Variants in WWC1 observed in about 807,000 individuals in gnomAD.
WWC1 encodes protein KIBRA.
Under a neutral mutation model 138.4 loss-of-function variants are expected in WWC1, and 55 were observed. That is an observed-to-expected ratio of 0.40 (90% CI 0.32 to 0.50). The LOEUF (loss-of-function observed/expected upper bound fraction) is 0.50, where lower values mean the gene tolerates loss of function less well. WWC1 is among the 20% of genes least tolerant of loss of function. The pLI is 0.72. For synonymous variants in WWC1, 524 were observed against 564.9 expected (o/e 0.93, Z 1.03); for missense variants, 1,226 against 1,420.4 (o/e 0.86, Z 2.20).
intron 17 of WWC1, among the ~76,000 whole-genome samples, chr5:168,450,305 G>A (rs190833535): frequency 2.0e-5 from 3 of 152,170 alleles, no homozygotes; most frequent in Admixed American, 2.0e-4. Context: ...AGTCCCTTCA[G>A]CAAATGGTGT....
intron 1 of WWC1, among the ~76,000 whole-genome samples, chr5:168,336,012 C>T (rs1284415494): frequency 6.6e-6 from 1 of 152,188 alleles, no homozygotes; most frequent in Non-Finnish European, 1.5e-5. Context: ...GGACATTGGA[C>T]GTTGTCAGAG....
chr5:168,399,394 TG>T, intron 4 of WWC1, 93 bp from the exon 5 acceptor site: 1 of 1,325,386 alleles, frequency 7.5e-7, no homozygotes, highest in Non-Finnish European at 1.1e-6. Flanking sequence ...GCAGGCGCAG[TG>T]GGAGGCTCTG....
chr5:168,315,040 C>A (rs1392200111), intron 1 of WWC1, among the ~76,000 whole-genome samples: 1 of 152,186 alleles, frequency 6.6e-6, no homozygotes, highest in Non-Finnish European at 1.5e-5. Context: ...CCCCCAGATT[C>A]ATTTCCAGTT....
chr5:168,439,630 C>CA (rs59747531), intron 15 of WWC1, among the ~76,000 whole-genome samples: 16,737 of 120,858 alleles, frequency 0.14, 1,051 homozygotes, highest in African/African-American at 0.18. Context: ...AACTCTGTCT[C>CA]AAAAAAAAAA....
intron 17 of WWC1, among the ~76,000 whole-genome samples, chr5:168,447,073 C>G (rs1050653445): frequency 2.6e-5 from 4 of 152,188 alleles, no homozygotes; most frequent in African/African-American, 9.6e-5. Flanking sequence ...TAATGTGCAG[C>G]CTGGGCTGAA....
intron 1 of WWC1, among the ~76,000 whole-genome samples, chr5:168,311,076 C>G (rs1303930364): frequency 1.3e-5 from 2 of 152,230 alleles, no homozygotes; most frequent in South Asian, 2.1e-4. Flanking sequence ...TCTAGCCTAC[C>G]TGGGTTGGTG....
intron 4 of WWC1, among the ~76,000 whole-genome samples, chr5:168,399,135 G>A (rs554294456): frequency 6.6e-6 from 1 of 152,296 alleles, no homozygotes; most frequent in African/African-American, 2.4e-5. Flanking sequence ...ATCAGAACAG[G>A]AAAGGGAGGC....
At position 168,397,645 on chromosome 5, in the gene WWC1, T is replaced by C. The variant is rs949235562; in HGVS notation, c.434-79T>C. 2.0e-5 allele frequency: 29 copies of C among 1,466,118 alleles called. No individual in the cohort carries two copies. In the Admixed American group the frequency reaches 4.2e-4, roughly 21 times the overall value. The allele number at this position is 1,466,118 out of a possible 1,614,324, so 90.8% of individuals were successfully genotyped here. A position where few individuals can be genotyped will look rare whatever the true frequency, so the allele number is the denominator to read the frequency against. ...CTTTTAGTCCTTCCCTTTCTAGGTT[T>C]ATTTAGATGGCCAATAAGCCAACTT... On this transcript the variant is annotated intron_variant, in intron 3 of 22. Transcript: ENST00000265293.
intron 11 of WWC1, among the ~76,000 whole-genome samples, chr5:168,425,426 A>C (rs550681340): frequency 3.3e-5 from 5 of 151,970 alleles, no homozygotes; most frequent in Admixed American, 3.3e-4. Flanking sequence ...GGATTTAGGT[A>C]CTTCTCTGCA....
rs369883223 is a variant in WWC1, at chr5:168,455,387, C to G, written c.2690C>G (p.Ala897Gly). 8 of 1,597,328 alleles carry G rather than the reference C, an allele frequency of 5.0e-6. No homozygotes were observed. The African/African-American group carries it at 9.5e-5, about 19-fold the overall frequency. Residue 897 changes from alanine to glycine, a missense_variant, in exon 19 of 23, where the codon GCC becomes GGC. By Grantham distance (60) the Ala-to-Gly change is moderately conservative. Coordinates refer to ENST00000265293, the MANE Select transcript of WWC1 (RefSeq NM_015238.3). The stretch of plus-strand genomic sequence containing the variant: ...AAAGAGACCAACACGGAGACCCCGG[C>G]CCCATCCCCCACAGTGGTGCGACCT... ...VDKETNTETP[A>G]PSPTVVRPKD...
At chr5:168,415,374 C>T (rs573757317) in intron 9 of WWC1, 1 of 152,112 alleles carries the variant, frequency 6.6e-6, no homozygotes, top group South Asian at 2.1e-4. Flanking sequence ...TGCAAATCAG[C>T]CTCATCTATG....
At chr5:168,403,173 C>T (rs1779518533) in intron 5 of WWC1, among the ~76,000 whole-genome samples, 1 of 151,840 alleles carries the variant, frequency 6.6e-6, no homozygotes, top group Admixed American at 6.6e-5. Flanking sequence ...TCTCAGTTCA[C>T]TGCAACCTCC....
chr5:168,428,024 C>T lies in WWC1; in HGVS notation c.1811-9C>T. On this transcript the variant is annotated splice_polypyrimidine_tract_variant and intron_variant, in intron 11 of 22. Transcript: ENST00000265293. Reference sequence around the variant, plus strand: ...TTCCTGAACCTGCCTTTCCATTTTCCTTCCCTAGCTGTGAATACGGCCCAG... The same window carrying T: ...TTCCTGAACCTGCCTTTCCATTTTCTTTCCCTAGCTGTGAATACGGCCCAG... 1 of 1,612,044 alleles carries T rather than the reference C, an allele frequency of 6.2e-7. No individual in the cohort carries two copies.
rs1221126189 is a variant in WWC1, at chr5:168,292,197, G to C, written c.45G>C (p.Ala15=). 6.4e-7 allele frequency: 1 copy of C among 1,556,468 alleles called. No homozygotes were observed. The highest frequency in any genetic ancestry group is 8.7e-7 in the Non-Finnish European group (1 of 1,150,568). The stretch of plus-strand genomic sequence containing the variant: ...CCCTGCCGGAGGGCTGGGAGGAGGC[G>C]CGCGACTTCGACGGCAAGGTCTACT... The part of the protein sequence containing the change: ...ELPLPEGWEE[A]RDFDGKVYYI... The change falls in exon 1 of 23, where the codon GCG becomes GCC. Residue 15 remains alanine (A), a synonymous_variant. Transcript: ENST00000265293. This position sits in a 1 kb window ranked among gnomAD's most constrained non-coding sequence, Gnocchi z 4.4.
intron 12 of WWC1, 55 bp from the exon 13 acceptor site, chr5:168,428,652 G>T: frequency 6.4e-7 from 1 of 1,568,218 alleles, no homozygotes; most frequent in South Asian, 1.1e-5. Flanking sequence ...CAGCCTCCCA[G>T]AATAGTTTGT....
intron 5 of WWC1, 26 bp from the exon 6 acceptor site, chr5:168,406,172 G>T: frequency 6.2e-7 from 1 of 1,612,332 alleles, no homozygotes; most frequent in South Asian, 1.1e-5. Flanking sequence ...ATCTAAGGCT[G>T]ACCTTTCCCA....
rs909777548 is a variant in WWC1, at chr5:168,292,760, G to A, written c.119+489G>A. Among the ~76,000 whole-genome samples the A allele has an allele frequency of 1.3e-5, 2 of 152,156 alleles. No individual in the cohort carries two copies. Among genetic ancestry groups the A allele is most frequent in the Admixed American group, 1.3e-4 (2 of 15,284 alleles). The stretch of plus-strand genomic sequence containing the variant: ...TCCGTGGGAGACCACTGGAGAGAGG[G>A]CACTCGGCGCAGAGGAAGGCAACCT... On this transcript the variant is annotated intron_variant, in intron 1 of 22. Transcript: ENST00000265293. The surrounding 1 kb of genome is among the most constrained non-coding windows in gnomAD (Gnocchi z 4.4).
chr5:168,388,636 C>T (rs566204125), intron 3 of WWC1, among the ~76,000 whole-genome samples: 17 of 151,998 alleles, frequency 1.1e-4, no homozygotes, highest in Non-Finnish European at 1.5e-4. Context: ...TTGAGACCAG[C>T]CTGGCCAACA....
chr5:168,316,433 T>G (rs1771602195), intron 1 of WWC1, among the ~76,000 whole-genome samples: 1 of 152,052 alleles, frequency 6.6e-6, no homozygotes, highest in South Asian at 2.1e-4. Context: ...TGCATGTATG[T>G]GAGGGCTGGG....
Sources: allele counts gnomAD v4.1 joint callset (sites outside exome capture counted in the v4.1 genomes callset), GRCh38; gene constraint gnomAD v4.1.1; non-coding constraint Gnocchi (gnomAD v3.1); transcripts MANE v1.5; gene names NCBI Gene and HGNC (gene_info 2026-07-23, HGNC 2026-07-21).